Variants in GPCPD1 observed in about 807,000 individuals in gnomAD.
GPCPD1 encodes the protein glycerophosphocholine phosphodiesterase GPCPD1.
A neutral mutation model predicts 89.2 loss-of-function variants in GPCPD1; 29 were observed. The observed-to-expected ratio is 0.33, with a 90% CI of 0.24 to 0.44. The LOEUF is 0.44. Ranked by LOEUF, GPCPD1 falls within the 20% of genes least tolerant of loss-of-function variation. The probability of loss-of-function intolerance (pLI) is 1.00; values close to 1 mark genes in which losing one functional copy is unlikely to be tolerated. For missense variants in GPCPD1, 594 were observed against 808.9 expected (o/e 0.73, Z 3.22); for synonymous variants, 258 against 266.3 (o/e 0.97, Z 0.30).
rs1210305254 is a variant in GPCPD1 at position 5,545,726 on chromosome 20, G to A, written c.*1935C>T. On this transcript the variant is annotated 3_prime_UTR_variant, in exon 20 of 20. Transcript: ENST00000379019. ...CTACTAACACTGGTTCATAAGGTCAGGAAGAGATAGGACAGAAAGTGAGCA... is the reference window on the plus strand; with the variant it reads ...CTACTAACACTGGTTCATAAGGTCAAGAAGAGATAGGACAGAAAGTGAGCA... The A allele has an allele frequency of 6.6e-6, 1 of 152,272 alleles. No homozygotes were observed. Among genetic ancestry groups the A allele is most frequent in the East Asian group, 1.9e-4 (1 of 5,198 alleles). 9.4% of individuals were successfully genotyped at this position (152,272 alleles called of 1,614,324 possible).
intron 1 of GPCPD1, among the ~76,000 whole-genome samples, chr20:5,610,010 C>T (rs238290): frequency 0.037 from 5,641 of 152,240 alleles, 148 homozygotes; most frequent in Non-Finnish European, 0.059. Flanking sequence ...ACATCGGGTC[C>T]AAACATCCTG....
In GPCPD1 at chr20:5,575,590, A is replaced by G. The variant is rs758666241; in HGVS notation, c.869-45T>C. The G allele has an allele frequency of 7.4e-6, 10 of 1,346,334 alleles. No homozygotes were observed. In the East Asian group the frequency reaches 1.6e-4, roughly 22 times the overall value. The allele number at this position is 1,346,334 out of a possible 1,614,324, so 83.4% of individuals were successfully genotyped here. A position where few individuals can be genotyped will look rare whatever the true frequency, so the allele number is the denominator to read the frequency against. ...GGAGGAACAAAAATAAAAATGATTA[A>G]AAGGGCCATTATGAGCTACATTATA... On this transcript the variant is annotated intron_variant, in intron 9 of 19. Coordinates refer to ENST00000379019, the MANE Select transcript of GPCPD1 (RefSeq NM_019593.5).
chr20:5,563,535 ATC>A (rs1214994744), intron 15 of GPCPD1, among the ~76,000 whole-genome samples: 1 of 151,426 alleles, frequency 6.6e-6, no homozygotes, highest in Non-Finnish European at 1.5e-5. Flanking sequence ...TTGAGACAGG[ATC>A]TCTCTCTGTT....
intron 19 of GPCPD1, among the ~76,000 whole-genome samples, chr20:5,553,901 C>CCCGGCCAAACAACAGA (rs1555803062): frequency 6.9e-6 from 1 of 145,152 alleles, no homozygotes. Context: ...GATGGAGAAG[C>CCCGGCCAAACAACAGA]TGCAGTTAAG....
chr20:5,570,077 A>T (rs924838531), intron 12 of GPCPD1, 70 bp downstream of exon 12: 6 of 691,272 alleles, frequency 8.7e-6, no homozygotes, highest in Middle Eastern at 3.6e-4. Flanking sequence ...TTAAAAATAT[A>T]AAAAAACTTC....
intron 19 of GPCPD1, among the ~76,000 whole-genome samples, chr20:5,552,883 T>C (rs1187046231): frequency 1.3e-5 from 2 of 152,254 alleles, no homozygotes; most frequent in Non-Finnish European, 2.9e-5. Flanking sequence ...AGGAATGTAT[T>C]GTTTAAAGCA....
chr20:5,550,206 C>T (rs1600706823), intron 19 of GPCPD1, among the ~76,000 whole-genome samples: 1 of 114,388 alleles, frequency 8.7e-6, no homozygotes, highest in Non-Finnish European at 1.9e-5. Flanking sequence ...AAAAAACAAA[C>T]AAAGCAAACA....
intron 19 of GPCPD1, among the ~76,000 whole-genome samples, chr20:5,551,706 G>A (rs1425806288): frequency 3.3e-5 from 5 of 152,288 alleles, no homozygotes; most frequent in African/African-American, 1.2e-4. Flanking sequence ...CTTGAACCCA[G>A]GTTGCAGTGA....
intron 3 of GPCPD1, among the ~76,000 whole-genome samples, chr20:5,595,210 T>C (rs1979628077): frequency 6.6e-6 from 1 of 152,212 alleles, no homozygotes; most frequent in Admixed American, 6.5e-5. Context: ...TAAAAATCAC[T>C]GCTTTAAACA....
chr20:5,609,586 A>G (rs987811368), intron 1 of GPCPD1, among the ~76,000 whole-genome samples: 5 of 152,184 alleles, frequency 3.3e-5, no homozygotes, highest in African/African-American at 1.2e-4. Context: ...TTTAACTCAT[A>G]CGTAAAGATT....
chr20:5,598,048 T>C (rs1179767084), intron 3 of GPCPD1, among the ~76,000 whole-genome samples: 1 of 151,724 alleles, frequency 6.6e-6, no homozygotes, highest in Admixed American at 6.6e-5. Flanking sequence ...AAGAAAATAA[T>C]ATATAGTGAC....
At chr20:5,580,593 G>T (rs1306616575) in intron 6 of GPCPD1, among the ~76,000 whole-genome samples, 1 of 151,766 alleles carries the variant, frequency 6.6e-6, no homozygotes, top group Non-Finnish European at 1.5e-5. Flanking sequence ...GGGCGTGGTG[G>T]CGGGCGCCTG....
At chr20:5,575,156 G>A (rs1391352836) in intron 10 of GPCPD1, among the ~76,000 whole-genome samples, 2 of 152,074 alleles carry the variant, frequency 1.3e-5, no homozygotes, top group Non-Finnish European at 2.9e-5. Context: ...CACACACACT[G>A]ATGCTCCCAA....
intron 13 of GPCPD1, among the ~76,000 whole-genome samples, chr20:5,567,120 C>T (rs1212190696): frequency 6.6e-6 from 1 of 152,040 alleles, no homozygotes; most frequent in African/African-American, 2.4e-5. Flanking sequence ...CATATATTTA[C>T]CAACTATTGC....
chr20:5,596,857 GTTTA>G (rs113431072), intron 3 of GPCPD1, among the ~76,000 whole-genome samples: 1 of 152,314 alleles, frequency 6.6e-6, no homozygotes, highest in African/African-American at 2.4e-5. Flanking sequence ...GTGAAACACT[GTTTA>G]TCTGCTACCT....
At position 5,590,683 on chromosome 20, in the gene GPCPD1, G is replaced by A. The variant is rs73896231; in HGVS notation, c.231+2644C>T. 5.8e-3 allele frequency among the ~76,000 whole-genome samples: 887 copies of A among 152,156 alleles called. 10 individuals carry two copies. Among genetic ancestry groups the A allele is most frequent in the African/African-American group, 0.02 (824 of 41,486 alleles). On this transcript the variant is annotated intron_variant, in intron 4 of 19. Transcript: ENST00000379019. ...AACACCTGACAGTATTTACTATTCA[G>A]AAGAATTTTAGATACTAATAAACTA... is the stretch of plus-strand genomic sequence containing the variant.
chr20:5,565,047 T>C lies in GPCPD1; in HGVS notation c.1299A>G (p.Ser433=). Residue 433 remains serine (S), a synonymous_variant, in exon 15 of 20, where the codon TCA becomes TCG. Coordinates refer to ENST00000379019, the MANE Select transcript of GPCPD1 (RefSeq NM_019593.5). ...TAAGAGAAGGAAATGGCTGATTTTC[T>C]GAAAAGGAATTTTCCTCCTGAACCA... The part of the protein sequence containing the change: ...ESVVQEENSF[S]ENQPFPSLKM... The C allele has an allele frequency of 6.4e-7, 1 of 1,555,130 alleles. No homozygotes were observed. Among genetic ancestry groups the C allele is most frequent in the Non-Finnish European group, 8.9e-7 (1 of 1,126,448 alleles).
Position 5,565,078 on chromosome 20 carries a change from T to C in GPCPD1, c.1268A>G (p.Glu423Gly). The C allele has an allele frequency of 6.7e-7, 1 of 1,488,488 alleles. No individual in the cohort carries two copies. Among genetic ancestry groups the C allele is most frequent in the Non-Finnish European group, 9.4e-7 (1 of 1,066,232 alleles). 92.2% of individuals were successfully genotyped at this position (1,488,488 alleles called of 1,614,324 possible). ...GGAATTTTCCTCCTGAACCACAGAT[T>C]CTGAAATTTTAAAACACAAAATCTC... ...VTALKSKDRK[E>G]SVVQEENSFS... is the part of the protein sequence containing the mutation. Residue 423 changes from glutamate to glycine, a missense_variant and splice_region_variant, in exon 15 of 20, where the codon GAA becomes GGA. Transcript: ENST00000379019.
At chr20:5,577,264 G>A (rs1353500701) in intron 8 of GPCPD1, among the ~76,000 whole-genome samples, 3 of 151,438 alleles carry the variant, frequency 2.0e-5, no homozygotes, top group Admixed American at 6.6e-5. Flanking sequence ...CTCGTGATCC[G>A]CCTGCTTTGG....
Sources: gnomAD v4.1 joint callset for allele counts (sites outside exome capture counted in the v4.1 genomes callset) on GRCh38, gnomAD v4.1.1 for gene constraint, MANE v1.5 for transcripts, NCBI Gene and HGNC (gene_info 2026-07-23, HGNC 2026-07-21) for gene names.